Variants in TRNAU1AP observed in about 807,000 individuals in gnomAD.
TRNAU1AP encodes tRNA selenocysteine 1 associated protein 1, also known as tRNA selenocysteine 1-associated protein 1.
In TRNAU1AP, 33 loss-of-function variants were observed where a neutral mutation model predicts 43.3. The ratio of observed to expected loss-of-function variants is 0.76; its 90% CI spans 0.58 to 1.02. The LOEUF (loss-of-function observed/expected upper bound fraction) is 1.02. TRNAU1AP is among the 50% of genes least tolerant of loss of function. The pLI is 0.00. For missense variants in TRNAU1AP, 290 were observed against 362.7 expected, an observed-to-expected ratio of 0.80 and a Z score of 1.63; for synonymous variants, 143 against 129.1, an observed-to-expected ratio of 1.11 and a Z score of -0.73.
chr1:28,564,876 C>G, intron 5 of TRNAU1AP, 42 bp downstream of exon 5: 1 of 1,612,374 alleles, frequency 6.2e-7, no homozygotes, highest in South Asian at 1.1e-5. Context: ...GTGTTAGTTT[C>G]AGCCTTTCTC....
rs1352798526 is a variant in TRNAU1AP, at chr1:28,578,414, A to G, written c.*778A>G. ...CTGCTTGAGGCAAAGCATTCATCCT[A>G]CATCATAAAAAATCTCCAAAGATCT... On this transcript the variant is annotated 3_prime_UTR_variant, in exon 9 of 9. Coordinates refer to ENST00000373830, the MANE Select transcript of TRNAU1AP (RefSeq NM_017846.5). The G allele has an allele frequency of 8.6e-6, 2 of 232,090 alleles. No individual in the cohort carries two copies. The highest frequency in any genetic ancestry group is 1.1e-4 in the Admixed American group (2 of 19,014). 14.4% of individuals were successfully genotyped at this position (232,090 alleles called of 1,614,324 possible).
At chr1:28,554,329 G>A (rs1484236901) in intron 2 of TRNAU1AP, among the ~76,000 whole-genome samples, 28 of 151,968 alleles carry the variant, frequency 1.8e-4, no homozygotes, top group Admixed American at 1.8e-3. Context: ...TATAAAAATG[G>A]AAATAACAGC....
intron 2 of TRNAU1AP, 151 bp from the exon 3 acceptor site, chr1:28,560,482 A>AT: frequency 1.7e-6 from 1 of 595,860 alleles, no homozygotes; most frequent in Non-Finnish European, 3.0e-6. Context: ...GTGTTTCAGC[A>AT]TGTTGTCCAG....
At chr1:28,554,928 C>G (rs562063441) in intron 2 of TRNAU1AP, among the ~76,000 whole-genome samples, 1 of 151,818 alleles carries the variant, frequency 6.6e-6, no homozygotes, top group Admixed American at 6.6e-5. Context: ...GCCCTTAACT[C>G]TTATGCCATT....
Position 28,562,076 on chromosome 1 carries a change from CT to C in TRNAU1AP, c.278+679del, listed in dbSNP as rs1665422442. 3.3e-5 allele frequency among the ~76,000 whole-genome samples: 5 copies of C among 152,286 alleles called. 1 individual carries two copies. The highest frequency in any genetic ancestry group is 3.3e-4 in the Admixed American group (5 of 15,296). Reference sequence around the variant, plus strand: ...CCAGCCTGGGCAACAGAGTGAGACCCTGTCTTAAAAAAGAAACCCAATGAAT... The same window carrying C: ...CCAGCCTGGGCAACAGAGTGAGACCCGTCTTAAAAAAGAAACCCAATGAAT... On this transcript the variant is annotated intron_variant, in intron 4 of 8. Transcript: ENST00000373830.
intron 5 of TRNAU1AP, among the ~76,000 whole-genome samples, chr1:28,566,339 C>T (rs1665538253): frequency 6.7e-6 from 1 of 149,198 alleles, no homozygotes; most frequent in African/African-American, 2.5e-5. Flanking sequence ...AAAGAAGAGC[C>T]GGGCGTGGTG....
In TRNAU1AP at chr1:28,577,868, G is replaced by A. The variant is rs1023480209; in HGVS notation, c.*232G>A. ...TTGGTTTCCTTCACAGGAATCCTTT[G>A]TCCAGGTAGTTATCCACATAGGACA... On this transcript the variant is annotated 3_prime_UTR_variant, in exon 9 of 9. Coordinates refer to ENST00000373830, the MANE Select transcript of TRNAU1AP (RefSeq NM_017846.5). 1 of 486,754 alleles carries A rather than the reference G, an allele frequency of 2.1e-6. No homozygotes were observed. The highest frequency in any genetic ancestry group is 3.7e-6 in the Non-Finnish European group (1 of 272,470). 30.2% of individuals were successfully genotyped at this position (486,754 alleles called of 1,614,324 possible).
intron 2 of TRNAU1AP, among the ~76,000 whole-genome samples, chr1:28,558,062 A>ATTTTTGTT (rs1665313845): frequency 8.2e-6 from 1 of 122,114 alleles, no homozygotes; most frequent in African/African-American, 3.3e-5. Context: ...TGCCTGGCTA[A>ATTTTTGTT]TTTTTTTTTT....
intron 8 of TRNAU1AP, among the ~76,000 whole-genome samples, chr1:28,575,638 TTTTC>T (rs1665760537): frequency 6.6e-6 from 1 of 150,540 alleles, no homozygotes; most frequent in Admixed American, 6.7e-5. Context: ...AATTTTCTTT[TTTTC>T]TTTTTTTGAG....
At chr1:28,558,203 G>A (rs991701431) in intron 2 of TRNAU1AP, among the ~76,000 whole-genome samples, 3 of 145,504 alleles carry the variant, frequency 2.1e-5, no homozygotes, top group Non-Finnish European at 3.0e-5. Flanking sequence ...AGCCCGCCCT[G>A]CTAATTTTTG....
At chr1:28,569,277 C>G (rs987051237) in intron 6 of TRNAU1AP, among the ~76,000 whole-genome samples, 1 of 152,140 alleles carries the variant, frequency 6.6e-6, no homozygotes, top group African/African-American at 2.4e-5. Context: ...CTCCTCTAGT[C>G]CCAGCTGCTC....
rs942703024 is a variant in TRNAU1AP at position 28,574,096 on chromosome 1, T to G, written c.727+2196T>G. On this transcript the variant is annotated intron_variant, in intron 8 of 8. Transcript: ENST00000373830. ...CCATCTCTTTTTTTTTTTTTTTTTT[T>G]GGGAGACGGAGTCTTGCTCTGTCAC... Among the ~76,000 whole-genome samples, 192 of 149,442 alleles carry G rather than the reference T, an allele frequency of 1.3e-3. 4 individuals are homozygous for G. In the East Asian group the frequency reaches 0.033, roughly 26 times the overall value.
intron 2 of TRNAU1AP, among the ~76,000 whole-genome samples, chr1:28,555,350 G>A (rs1570244557): frequency 6.6e-6 from 1 of 152,296 alleles, no homozygotes; most frequent in East Asian, 1.9e-4. Flanking sequence ...AGTGGGGAAT[G>A]AGACAATAAA....
At chr1:28,563,891 G>A (rs1665476977) in intron 4 of TRNAU1AP, among the ~76,000 whole-genome samples, 1 of 151,920 alleles carries the variant, frequency 6.6e-6, no homozygotes. Context: ...TTGTGTGTTC[G>A]TTTATTTTTT....
intron 8 of TRNAU1AP, 51 bp from the exon 9 acceptor site, chr1:28,577,449 C>A (rs368630175): frequency 1.3e-6 from 2 of 1,596,748 alleles, no homozygotes; most frequent in African/African-American, 1.3e-5. Context: ...GAACCAGGTC[C>A]CTTGCAGCTG....
At chr1:28,553,170 C>A in intron 1 of TRNAU1AP, 33 bp downstream of exon 1, 1 of 1,479,018 alleles carries the variant, frequency 6.8e-7, no homozygotes, top group Admixed American at 2.5e-5. Context: ...GGTCTGAAGA[C>A]AAGGAAGCAT....
At chr1:28,573,249 G>A (rs1403416099) in intron 8 of TRNAU1AP, among the ~76,000 whole-genome samples, 1 of 139,224 alleles carries the variant, frequency 7.2e-6, no homozygotes, top group African/African-American at 2.7e-5. Context: ...GGCCAGGCTA[G>A]TCTCAAACTC....
intron 6 of TRNAU1AP, 105 bp from the exon 7 acceptor site, chr1:28,571,071 A>C: frequency 8.5e-7 from 1 of 1,170,430 alleles, no homozygotes; most frequent in East Asian, 2.5e-5. Flanking sequence ...TCTCAAGAAA[A>C]AAAAAAGTTA....
In TRNAU1AP at chr1:28,561,365, A is replaced by G; in HGVS notation, c.245A>G (p.Asn82Ser). ...GATPAKRFKL[N>S]YATYGKQPDN... is the part of the protein sequence containing the mutation. ...TTCCAGGCGAAACGTTTTAAACTGA[A>G]CTATGCCACTTACGGGAAACAACCA... The change falls in exon 4 of 9, where the codon AAC becomes AGC. Residue 82 changes from asparagine (N) to serine (S), a missense_variant. By Grantham distance (46) the Asn-to-Ser change is conservative. This residue lies in a region of TRNAU1AP where 174 missense variants were observed against 262.1 expected (regional missense o/e 0.66). Transcript: ENST00000373830. 2 of 1,614,188 alleles carry G rather than the reference A, an allele frequency of 1.2e-6. No homozygotes were observed. Among genetic ancestry groups the G allele is most frequent in the Non-Finnish European group, 1.7e-6 (2 of 1,180,030 alleles).
Sources: gnomAD v4.1 joint callset for allele counts (sites outside exome capture counted in the v4.1 genomes callset) on GRCh38, gnomAD v4.1.1 for gene constraint, gnomAD v4.1.1 regional missense constraint, MANE v1.5 for transcripts, NCBI Gene and HGNC (gene_info 2026-07-23, HGNC 2026-07-21) for gene names.